The following CD33 variants were observed in gnomAD, a reference collection of about 807,000 sequenced individuals.
CD33 encodes CD33 molecule.
A neutral mutation model predicts 31.4 loss-of-function variants in CD33; 25 were observed. The ratio of observed to expected loss-of-function variants is 0.80; its 90% CI spans 0.58 to 1.11. The LOEUF is 1.11. CD33 is among the 50% of genes most tolerant of loss of function. The probability of loss-of-function intolerance (pLI) is 0.00; values close to 1 mark genes in which losing one functional copy is unlikely to be tolerated. For missense variants in CD33, 407 were observed against 448.1 expected (o/e 0.91, Z 0.83); for synonymous variants, 176 against 180.6 (o/e 0.97, Z 0.20).
At chr19:51,236,884 G>C (rs894655312) in intron 6 of CD33, 2 of 152,214 alleles carry the variant, frequency 1.3e-5, no homozygotes, top group African/African-American at 4.8e-5. Flanking sequence ...CAGAACATTA[G>C]CATCACCTCC....
chr19:51,226,893 T>C (rs1475524154), intron 4 of CD33, among the ~76,000 whole-genome samples: 3 of 151,894 alleles, frequency 2.0e-5, no homozygotes, highest in African/African-American at 7.3e-5. Context: ...TCCCAGCCCT[T>C]ATTATTCTCT....
intron 6 of CD33, chr19:51,237,012 C>T (rs1470623048): frequency 1.4e-4 from 22 of 152,286 alleles, no homozygotes. Flanking sequence ...CCAGAGTCCC[C>T]TTCAGTGCTA....
chr19:51,212,049 A>G, the CD33 span: 1 of 844,052 alleles, frequency 1.2e-6, no homozygotes, highest in Non-Finnish European at 1.9e-6. Flanking sequence ...CACGGAGAGA[A>G]CCATCCAACT....
At chr19:51,219,197 CT>C in the CD33 span, among the ~76,000 whole-genome samples, 1 of 152,100 alleles carries the variant, frequency 6.6e-6, no homozygotes, top group East Asian at 1.9e-4. Flanking sequence ...TCATCTACAA[CT>C]TATTTCATCA....
At chr19:51,212,902 T>C in the CD33 span, among the ~76,000 whole-genome samples, 4 of 152,222 alleles carry the variant, frequency 2.6e-5, no homozygotes, top group Admixed American at 6.5e-5. Flanking sequence ...TGGTATTCCA[T>C]TGCATGAATA....
intron 1 of CD33, 29 bp downstream of exon 1, chr19:51,225,184 G>A (rs777876718): frequency 1.1e-5 from 17 of 1,613,604 alleles, no homozygotes; most frequent in South Asian, 4.4e-5. Context: ...AGGGGTTGTC[G>A]GGCTGGGCCG....
chr19:51,235,756 A>G (rs1453166176), intron 6 of CD33, 80 bp downstream of exon 6: 6 of 1,136,540 alleles, frequency 5.3e-6, no homozygotes, highest in Middle Eastern at 3.9e-4. Context: ...TGCCCCATTC[A>G]GCATTTCCAG....
the CD33 span, chr19:51,211,853 C>G: frequency 1.6e-6 from 2 of 1,245,524 alleles, no homozygotes; most frequent in South Asian, 1.2e-5. Flanking sequence ...ACCCCAGGAA[C>G]CTGACCTGCT....
chr19:51,222,034 G>A (rs1254554921), upstream of CD33, among the ~76,000 whole-genome samples: 1 of 152,186 alleles, frequency 6.6e-6, no homozygotes, highest in African/African-American at 2.4e-5. Context: ...CCCAGAGACA[G>A]GAGGAAGGAA....
chr19:51,220,970 T>C (rs1980661822), upstream of CD33, among the ~76,000 whole-genome samples: 1 of 152,084 alleles, frequency 6.6e-6, no homozygotes, highest in Non-Finnish European at 1.5e-5. Flanking sequence ...ATCCAGAATA[T>C]ATCAAGGACT....
chr19:51,211,763 C>A, the CD33 span: 1 of 781,442 alleles, frequency 1.3e-6, no homozygotes. Flanking sequence ...TCACCCCTTC[C>A]TGATCCTGCA....
At chr19:51,231,766 A>T (rs1374519842) in intron 4 of CD33, among the ~76,000 whole-genome samples, 13 of 136,600 alleles carry the variant, frequency 9.5e-5, no homozygotes, top group Non-Finnish European at 1.8e-4. Context: ...TATTTTTATT[A>T]TTTTTTTTTT....
the CD33 span, among the ~76,000 whole-genome samples, chr19:51,218,098 ATC>A: frequency 4.8e-4 from 73 of 152,292 alleles, no homozygotes; most frequent in Non-Finnish European, 9.1e-4. Context: ...TATTTGAGAA[ATC>A]TCTCTGTTTT....
chr19:51,216,941 G>T, the CD33 span, among the ~76,000 whole-genome samples: 3 of 152,154 alleles, frequency 2.0e-5, no homozygotes, highest in African/African-American at 7.2e-5. Context: ...CAAATGCATT[G>T]CTCAGAGGCA....
At chr19:51,235,474 T>C in intron 5 of CD33, 121 bp from the exon 6 acceptor site, 1 of 1,461,476 alleles carries the variant, frequency 6.8e-7, no homozygotes, top group South Asian at 1.4e-5. Flanking sequence ...GACTAAGTCT[T>C]GTTTGAGGGC....
At chr19:51,214,236 T>C in the CD33 span, among the ~76,000 whole-genome samples, 1 of 145,532 alleles carries the variant, frequency 6.9e-6, no homozygotes. Context: ...TCTCACTCTG[T>C]CACCCAGGCT....
At chr19:51,217,440 CA>C in the CD33 span, among the ~76,000 whole-genome samples, 1 of 150,446 alleles carries the variant, frequency 6.6e-6, no homozygotes, top group East Asian at 2.0e-4. Flanking sequence ...GAGACGGAGT[CA>C]CTCTGTTGCC....
intron 4 of CD33, among the ~76,000 whole-genome samples, chr19:51,227,077 T>C (rs957164729): frequency 6.6e-6 from 1 of 152,092 alleles, no homozygotes; most frequent in East Asian, 1.9e-4. Flanking sequence ...TGAATGATAA[T>C]CCATTGTGTA....
chr19:51,211,638 C>T, the CD33 span: 1 of 1,304,496 alleles, frequency 7.7e-7, no homozygotes, highest in Non-Finnish European at 1.1e-6. Context: ...AAAGGGACCT[C>T]AGGACAGGGC....
Sources: allele counts gnomAD v4.1 joint callset (sites outside exome capture counted in the v4.1 genomes callset), GRCh38; gene constraint gnomAD v4.1.1; transcripts MANE v1.5; gene names NCBI Gene and HGNC (gene_info 2026-07-23, HGNC 2026-07-21).